CSNK1D: variants seen among roughly 807,000 people sequenced by gnomAD.
CSNK1D encodes casein kinase I isoform delta.
Under a neutral mutation model 46.6 loss-of-function variants are expected in CSNK1D, and 16 were observed. The observed-to-expected ratio is 0.34, with a 90% CI of 0.23 to 0.52. CSNK1D has a LOEUF of 0.52. CSNK1D is among the 20% of genes least tolerant of loss of function. The pLI, the probability that CSNK1D is intolerant of heterozygous loss-of-function variation, is 0.95. For missense variants in CSNK1D, 398 were observed against 578.4 expected (o/e 0.69, Z 3.20); for synonymous variants, 276 against 228.2 (o/e 1.21, Z -1.89).
downstream of CSNK1D, among the ~76,000 whole-genome samples, chr17:82,240,832 C>T (rs547823490): frequency 2.6e-5 from 4 of 152,156 alleles, no homozygotes; most frequent in Admixed American, 2.0e-4. Flanking sequence ...GCAGGGTGGG[C>T]GTGAGTGGGC....
intron 8 of CSNK1D, chr17:82,246,507 CCAAA>C (rs1262524270): frequency 4.6e-6 from 5 of 1,080,838 alleles, no homozygotes; most frequent in South Asian, 5.2e-5. Flanking sequence ...AGTAAAAACC[CCAAA>C]CAGACTCAGC....
intron 8 of CSNK1D, chr17:82,246,697 C>T (rs2050859048): frequency 1.0e-6 from 1 of 994,592 alleles, no homozygotes; most frequent in Non-Finnish European, 1.2e-6. Context: ...ACGTGGTCTT[C>T]CACCCATCCA....
chr17:82,266,530 T>C (rs924375117), intron 1 of CSNK1D, among the ~76,000 whole-genome samples: 1 of 152,204 alleles, frequency 6.6e-6, no homozygotes, highest in African/African-American at 2.4e-5. Flanking sequence ...AAAATTACAC[T>C]TTTTATCTAG....
Position 82,248,772 on chromosome 17 carries a change from G to C in CSNK1D, c.1197+103C>G. 3 of 1,531,020 alleles carry C rather than the reference G, an allele frequency of 2.0e-6. No homozygotes were observed. Among genetic ancestry groups the C allele is most frequent in the South Asian group, 1.2e-5 (1 of 83,542 alleles). The allele number at this position is 1,531,020 out of a possible 1,614,324, so 94.8% of individuals were successfully genotyped here. On this transcript the variant is annotated intron_variant, in intron 8 of 8. Coordinates refer to ENST00000314028, the MANE Select transcript of CSNK1D (RefSeq NM_001893.6). The surrounding 1 kb of genome is among the most constrained non-coding windows in gnomAD (Gnocchi z 4.1). ...GCGAGATTAAAAACTCTCAAAAATG[G>C]GGGGAAGAAAGGAAAGAAGAAGCCC...
At chr17:82,259,995 G>T (rs1381190821) in intron 2 of CSNK1D, among the ~76,000 whole-genome samples, 1 of 151,348 alleles carries the variant, frequency 6.6e-6, no homozygotes, top group Non-Finnish European at 1.5e-5. Context: ...ATGGTGTACT[G>T]AGTGATGTGA....
chr17:82,242,215 G>T (rs573009857), downstream of CSNK1D, among the ~76,000 whole-genome samples: 35 of 150,938 alleles, frequency 2.3e-4, no homozygotes, highest in African/African-American at 5.1e-4. Context: ...TGTGCTCTGG[G>T]GGGGGGGGGA....
chr17:82,244,718 G>A lies in CSNK1D; in HGVS notation c.*63C>T. 6.2e-7 allele frequency: 1 copy of A among 1,612,614 alleles called. No homozygotes were observed. Among genetic ancestry groups the A allele is most frequent in the Non-Finnish European group, 8.5e-7 (1 of 1,179,924 alleles). ...GACCGGGGGACGTGTCACTAGTAAAGCCATTGGTAACAGAGTAGATCAGCC... is the reference window on the plus strand; with the variant it reads ...GACCGGGGGACGTGTCACTAGTAAAACCATTGGTAACAGAGTAGATCAGCC... On this transcript the variant is annotated 3_prime_UTR_variant, in exon 9 of 9. Transcript: ENST00000314028.
chr17:82,253,701 A>T (rs954291196), intron 3 of CSNK1D: 1 of 335,656 alleles, frequency 3.0e-6, no homozygotes. Context: ...CTGAGCCACC[A>T]GAGCCTCGAG....
chr17:82,248,825 C>T lies in CSNK1D; in HGVS notation c.1197+50G>A, dbSNP rs759062021. On this transcript the variant is annotated intron_variant, in intron 8 of 8. Coordinates refer to ENST00000314028, the MANE Select transcript of CSNK1D (RefSeq NM_001893.6). The surrounding 1 kb of genome is among the most constrained non-coding windows in gnomAD (Gnocchi z 4.1). ...GAGAAACCACAGCCCGCTCTTGACT[C>T]GGACGGGGTAGCCCGAGGCCCAGCG... 2.0e-5 allele frequency: 31 copies of T among 1,585,108 alleles called. No homozygotes were observed. The Admixed American group carries it at 2.6e-4, about 13-fold the overall frequency.
In CSNK1D at chr17:82,251,719, G is replaced by A. The variant is rs1795269007; in HGVS notation, c.737-192C>T. ...AAGTATTCAAGTCACGGCCGGGTGC[G>A]GCGGCTCACGCCTGTCACCCCAGCA... On this transcript the variant is annotated intron_variant, in intron 5 of 8. Transcript: ENST00000314028. The surrounding 1 kb of genome is among the most constrained non-coding windows in gnomAD (Gnocchi z 4.5). 10 of 673,562 alleles carry A rather than the reference G, an allele frequency of 1.5e-5. No individual in the cohort carries two copies. In the South Asian group the frequency reaches 1.6e-4, roughly 11 times the overall value. 41.7% of individuals were successfully genotyped at this position (673,562 alleles called of 1,614,324 possible). A position where few individuals can be genotyped will look rare whatever the true frequency, so the allele number is the denominator to read the frequency against.
chr17:82,256,461 C>T (rs1022457325), intron 2 of CSNK1D, among the ~76,000 whole-genome samples: 2 of 149,598 alleles, frequency 1.3e-5, no homozygotes, highest in Admixed American at 6.7e-5. Flanking sequence ...TGCAGTGAGC[C>T]GTGATGGCAC....
intron 3 of CSNK1D, chr17:82,253,510 C>T (rs922576730): frequency 1.0e-5 from 5 of 476,350 alleles, no homozygotes; most frequent in South Asian, 5.8e-5. Context: ...AGAGAGGGGA[C>T]AACCCGCCAC....
At position 82,243,315 on chromosome 17, in the gene CSNK1D, C is replaced by T. The variant is rs551868269; in HGVS notation, c.*1466G>A. 9.1e-6 allele frequency: 9 copies of T among 985,508 alleles called. No homozygotes were observed. The South Asian group carries it at 3.8e-4, about 41-fold the overall frequency. The allele number at this position is 985,508 out of a possible 1,614,324, so 61.0% of individuals were successfully genotyped here. On this transcript the variant is annotated 3_prime_UTR_variant, in exon 9 of 9. Coordinates refer to ENST00000314028, the MANE Select transcript of CSNK1D (RefSeq NM_001893.6). The stretch of plus-strand genomic sequence containing the variant: ...CCTAGAGTCCAAAGGGAACATCGTC[C>T]ATCGTGATGGGGTCCAGCCGAAGTG...
Position 82,249,323 on chromosome 17 carries a change from A to T in CSNK1D, c.1057+108T>A. On this transcript the variant is annotated intron_variant, in intron 7 of 8. Transcript: ENST00000314028. The surrounding 1 kb of genome is among the most constrained non-coding windows in gnomAD (Gnocchi z 6.7). ...CCCTCAGGAGCGAGCATCGCCTGAC[A>T]CAGGGCACTTAGTGTCCACCACCAA... The T allele has an allele frequency of 8.3e-7, 1 of 1,208,246 alleles. No individual in the cohort carries two copies. 74.8% of individuals were successfully genotyped at this position (1,208,246 alleles called of 1,614,324 possible).
chr17:82,247,919 G>A (rs377297636), intron 8 of CSNK1D: 7 of 985,306 alleles, frequency 7.1e-6, no homozygotes, highest in East Asian at 1.1e-4. Flanking sequence ...ATTAAAAGAC[G>A]GCAAGTGGTC....
rs1400651121 is a variant in CSNK1D at position 82,249,172 on chromosome 17, G to A, written c.1058-158C>T. The A allele has an allele frequency of 3.2e-6, 3 of 925,576 alleles. No individual in the cohort carries two copies. Among genetic ancestry groups the A allele is most frequent in the Non-Finnish European group, 4.8e-6 (3 of 624,920 alleles). The allele number at this position is 925,576 out of a possible 1,614,324, so 57.3% of individuals were successfully genotyped here. On this transcript the variant is annotated intron_variant, in intron 7 of 8. Transcript: ENST00000314028. The surrounding 1 kb of genome is among the most constrained non-coding windows in gnomAD (Gnocchi z 6.7). ...CACCAACACTCAGATCCGGCCGGAGGGACACAAAGGGACATGGGAGCGAGG... is the reference window on the plus strand; with the variant it reads ...CACCAACACTCAGATCCGGCCGGAGAGACACAAAGGGACATGGGAGCGAGG...
chr17:82,266,500 C>T (rs968530817), intron 1 of CSNK1D, among the ~76,000 whole-genome samples: 7 of 152,198 alleles, frequency 4.6e-5, no homozygotes, highest in Non-Finnish European at 8.8e-5. Flanking sequence ...CCATGACGAT[C>T]GGACTATGAG....
intron 8 of CSNK1D, chr17:82,246,563 G>C (rs2050855105): frequency 9.7e-7 from 1 of 1,036,208 alleles, no homozygotes; most frequent in African/African-American, 1.7e-5. Flanking sequence ...TAGCCAAAGA[G>C]CCCTGGCCGA....
At chr17:82,259,718 A>G (rs961204518) in intron 2 of CSNK1D, among the ~76,000 whole-genome samples, 19 of 152,244 alleles carry the variant, frequency 1.2e-4, no homozygotes, top group Non-Finnish European at 2.2e-4. Context: ...GCTACTGTAT[A>G]CAGCTATGTA....
Sources: allele counts gnomAD v4.1 joint callset (sites outside exome capture counted in the v4.1 genomes callset), GRCh38; gene constraint gnomAD v4.1.1; non-coding constraint Gnocchi (gnomAD v3.1); transcripts MANE v1.5; gene names NCBI Gene and HGNC (gene_info 2026-07-23, HGNC 2026-07-21).